Variants in EYA1 observed in about 807,000 individuals in gnomAD.
EYA1 encodes the protein protein phosphatase EYA1.
A neutral mutation model predicts 82.0 loss-of-function variants in EYA1; 16 were observed. The ratio of observed to expected loss-of-function variants is 0.20; its 90% CI spans 0.13 to 0.30. The LOEUF is 0.30. Ranked by LOEUF, EYA1 falls within the 10% of genes least tolerant of loss-of-function variation. EYA1 has a pLI of 1.00. For missense variants in EYA1, 633 were observed against 730.7 expected (o/e 0.87, Z 1.54); for synonymous variants, 261 against 264.4 (o/e 0.99, Z 0.12).
At chr8:71,466,436 A>G (rs1316213849) in intron 2 of EYA1, among the ~76,000 whole-genome samples, 1 of 152,186 alleles carries the variant, frequency 6.6e-6, no homozygotes, top group Admixed American at 6.5e-5. Flanking sequence ...TACAGTTAAC[A>G]TGAGTGATAT....
chr8:71,275,100 C>A (rs1817008969), intron 9 of EYA1, among the ~76,000 whole-genome samples: 1 of 152,118 alleles, frequency 6.6e-6, no homozygotes, highest in Non-Finnish European at 1.5e-5. Flanking sequence ...GGGGCTCACA[C>A]TCCACGTGGC....
chr8:71,403,596 G>A (rs1230404410), intron 2 of EYA1: 1 of 152,032 alleles, frequency 6.6e-6, no homozygotes, highest in East Asian at 1.9e-4. Flanking sequence ...TGCAAAAATG[G>A]GATCTACTTG....
At position 71,458,890 on chromosome 8, in the gene EYA1, C is replaced by G. The variant is rs1247224248; in HGVS notation, c.33+76854G>C. Among the ~76,000 whole-genome samples the G allele has an allele frequency of 2.0e-5, 3 of 152,146 alleles. No individual in the cohort carries two copies. In the East Asian group the frequency reaches 5.8e-4, roughly 29 times the overall value. On this transcript the variant is annotated intron_variant, in intron 2 of 18. Transcript: ENST00000643681. ...AAGAAAATGAATAGAGGGGTTCATC[C>G]AAGGGTAGGATTTTCCTGGATGGAA... is the stretch of plus-strand genomic sequence containing the variant.
At chr8:71,398,081 C>A (rs1030185709) in intron 2 of EYA1, among the ~76,000 whole-genome samples, 3 of 152,150 alleles carry the variant, frequency 2.0e-5, no homozygotes, top group Non-Finnish European at 4.4e-5. Context: ...TTGATCAAAT[C>A]TTGTACTTAT....
chr8:71,352,267 A>C (rs748628846), intron 3 of EYA1, among the ~76,000 whole-genome samples: 6 of 152,204 alleles, frequency 3.9e-5, no homozygotes, highest in Non-Finnish European at 8.8e-5. Context: ...TCTAGTGGTG[A>C]CAGAGAGGAA....
At chr8:71,518,557 G>A (rs959585951) in intron 2 of EYA1, among the ~76,000 whole-genome samples, 1 of 151,940 alleles carries the variant, frequency 6.6e-6, no homozygotes, top group Non-Finnish European at 1.5e-5. Context: ...CCATGCACTC[G>A]GCCTTTGCAA....
intron 9 of EYA1, among the ~76,000 whole-genome samples, chr8:71,289,438 T>C (rs567200091): frequency 6.6e-6 from 1 of 152,248 alleles, no homozygotes; most frequent in African/African-American, 2.4e-5. Context: ...GTTAACTGAA[T>C]GCCTCATAAT....
intron 17 of EYA1, among the ~76,000 whole-genome samples, chr8:71,202,286 G>A (rs1807132658): frequency 6.6e-6 from 1 of 151,726 alleles, no homozygotes; most frequent in South Asian, 2.1e-4. Flanking sequence ...GGTACATAAA[G>A]TATAAAGTGG....
intron 9 of EYA1, 40 bp from the exon 10 acceptor site, chr8:71,271,937 T>C (rs1359843515): frequency 6.2e-7 from 1 of 1,612,178 alleles, no homozygotes; most frequent in Non-Finnish European, 8.5e-7. Flanking sequence ...TTTATTTCCA[T>C]CACCATGGTG....
intron 1 of EYA1, among the ~76,000 whole-genome samples, chr8:71,540,334 A>G (rs994043997): frequency 5.3e-5 from 8 of 152,174 alleles, no homozygotes; most frequent in African/African-American, 1.9e-4. Flanking sequence ...CCATCAGCTA[A>G]AGCCAGGCAA....
chr8:71,416,256 TTGCTC>T (rs1341277302), intron 2 of EYA1, among the ~76,000 whole-genome samples: 1 of 152,236 alleles, frequency 6.6e-6, no homozygotes, highest in Non-Finnish European at 1.5e-5. Flanking sequence ...TCAGCAGTCC[TTGCTC>T]TGTGACAGCA....
chr8:71,506,935 C>T (rs2129244479), intron 2 of EYA1, among the ~76,000 whole-genome samples: 1 of 151,474 alleles, frequency 6.6e-6, no homozygotes, highest in South Asian at 2.1e-4. Context: ...CTAATCTGAA[C>T]ATATTAAAAG....
At chr8:71,468,429 G>C (rs1563643881) in intron 2 of EYA1, among the ~76,000 whole-genome samples, 1 of 152,088 alleles carries the variant, frequency 6.6e-6, no homozygotes, top group African/African-American at 2.4e-5. Context: ...TCCAACGGAA[G>C]TGTTATAATA....
intron 2 of EYA1, among the ~76,000 whole-genome samples, chr8:71,507,855 C>T (rs1812309164): frequency 6.6e-6 from 1 of 152,148 alleles, no homozygotes; most frequent in African/African-American, 2.4e-5. Flanking sequence ...GAATTCCAAA[C>T]CCAGGTCCAT....
chr8:71,476,934 C>G (rs181851420), intron 2 of EYA1, among the ~76,000 whole-genome samples: 36 of 151,770 alleles, frequency 2.4e-4, no homozygotes, highest in Admixed American at 2.0e-3. Context: ...ACATCTAGGT[C>G]GATTTTTTTT....
At chr8:71,249,901 A>G (rs1219829982) in intron 11 of EYA1, among the ~76,000 whole-genome samples, 1 of 152,196 alleles carries the variant, frequency 6.6e-6, no homozygotes, top group Non-Finnish European at 1.5e-5. Context: ...GAGGAATGGC[A>G]TCCTACCAAC....
At chr8:71,221,425 A>T (rs1010403388) in intron 12 of EYA1, among the ~76,000 whole-genome samples, 1 of 152,140 alleles carries the variant, frequency 6.6e-6, no homozygotes, top group Non-Finnish European at 1.5e-5. Flanking sequence ...CAAGTCACAG[A>T]TGTGAGAACT....
At chr8:71,388,045 T>C (rs948158984) in intron 2 of EYA1, among the ~76,000 whole-genome samples, 2 of 152,132 alleles carry the variant, frequency 1.3e-5, no homozygotes, top group Admixed American at 1.3e-4. Context: ...GACTATAATC[T>C]CATAAGTTAA....
At chr8:71,208,526 T>C (rs1184232994) in intron 17 of EYA1, among the ~76,000 whole-genome samples, 1 of 152,130 alleles carries the variant, frequency 6.6e-6, no homozygotes, top group Non-Finnish European at 1.5e-5. Context: ...CAGAAATACA[T>C]AAAGTTTTCA....
Sources: gnomAD v4.1 joint callset for allele counts (sites outside exome capture counted in the v4.1 genomes callset) on GRCh38, gnomAD v4.1.1 for gene constraint, MANE v1.5 for transcripts, NCBI Gene and HGNC (gene_info 2026-07-23, HGNC 2026-07-21) for gene names.